ME3: variants seen among roughly 807,000 people sequenced by gnomAD.
The protein encoded by ME3 is NADP-dependent malic enzyme, mitochondrial.
Under a neutral mutation model 68.9 loss-of-function variants are expected in ME3, and 48 were observed. The ratio of observed to expected loss-of-function variants is 0.70; its 90% CI spans 0.55 to 0.89. The LOEUF (loss-of-function observed/expected upper bound fraction) is 0.89, where lower values mean the gene tolerates loss of function less well. Among genes scored for constraint, ME3 ranks in the 40% least tolerant of loss-of-function variants. The pLI is 0.00. For synonymous variants in ME3, 320 were observed against 318.8 expected (o/e 1.00, Z -0.04); for missense variants, 675 against 797.4 (o/e 0.85, Z 1.85).
chr11:86,510,780 C>CT (rs1478225771), intron 4 of ME3, among the ~76,000 whole-genome samples: 3 of 152,210 alleles, frequency 2.0e-5, no homozygotes, highest in Non-Finnish European at 4.4e-5. Context: ...TGCACTAGAC[C>CT]TTTTATTTAA....
In ME3 at chr11:86,595,316, G is replaced by T. The variant is rs1192775453; in HGVS notation, c.184-35493C>A. Among the ~76,000 whole-genome samples, 7 of 140,364 alleles carry T rather than the reference G, an allele frequency of 5.0e-5. 1 individual carries two copies. The South Asian group carries it at 7.2e-4, about 14-fold the overall frequency. 92.1% of individuals were successfully genotyped at this position (140,364 alleles called of 152,430 possible). A position where few individuals can be genotyped will look rare whatever the true frequency, so the allele number is the denominator to read the frequency against. Reference sequence around the variant, plus strand: ...ACATATATATATATATAGAGAGAGAGAGAGAGAGAGAGAGAGCTTATTATG... The same window carrying T: ...ACATATATATATATATAGAGAGAGATAGAGAGAGAGAGAGAGCTTATTATG... On this transcript the variant is annotated intron_variant, in intron 2 of 14. Coordinates refer to ENST00000543262, the Ensembl canonical transcript of ME3.
intron 4 of ME3, 51 bp from the exon 5 acceptor site, chr11:86,508,918 G>T: frequency 6.8e-7 from 1 of 1,464,214 alleles, no homozygotes; most frequent in Non-Finnish European, 9.6e-7. Context: ...GTCAGATTAG[G>T]AACTGAGCAA....
At chr11:86,462,455 G>T in intron 8 of ME3, 1 of 606,546 alleles carries the variant, frequency 1.6e-6, no homozygotes, top group Non-Finnish European at 2.1e-6. Flanking sequence ...TGACTGTGTG[G>T]GGCATTGGCA....
chr11:86,519,275 T>G (rs1370548286), intron 4 of ME3, among the ~76,000 whole-genome samples: 4 of 152,200 alleles, frequency 2.6e-5, no homozygotes, highest in Admixed American at 2.6e-4. Flanking sequence ...ATCACTATCT[T>G]CAGTTTCCAT....
At chr11:86,619,460 C>T (rs1294521939) in intron 2 of ME3, among the ~76,000 whole-genome samples, 2 of 152,334 alleles carry the variant, frequency 1.3e-5, no homozygotes, top group East Asian at 1.9e-4. Context: ...ACCCAAATCT[C>T]ATCTTGAATT....
intron 2 of ME3, among the ~76,000 whole-genome samples, chr11:86,656,292 A>G (rs1159953563): frequency 1.3e-5 from 2 of 152,018 alleles, no homozygotes; most frequent in Non-Finnish European, 1.5e-5. Flanking sequence ...ATAAAGACAC[A>G]TGCACACATA....
At chr11:86,505,196 A>T (rs371948917) in intron 5 of ME3, among the ~76,000 whole-genome samples, 2 of 151,838 alleles carry the variant, frequency 1.3e-5, no homozygotes, top group South Asian at 4.2e-4. Flanking sequence ...TGAAAAATAC[A>T]CATCAGAAAA....
chr11:86,610,703 G>A (rs1320655510), intron 2 of ME3, among the ~76,000 whole-genome samples: 1 of 138,260 alleles, frequency 7.2e-6, no homozygotes, highest in Non-Finnish European at 1.5e-5. Context: ...AAGGCAGATT[G>A]CTGCAATAGG....
At chr11:86,491,517 A>T (rs1339391327) in intron 6 of ME3, among the ~76,000 whole-genome samples, 2 of 152,206 alleles carry the variant, frequency 1.3e-5, no homozygotes, top group African/African-American at 4.8e-5. Context: ...CTCCTTTAGC[A>T]GGAGTGGAAA....
intron 2 of ME3, among the ~76,000 whole-genome samples, chr11:86,592,105 C>T (rs1959097462): frequency 6.6e-6 from 1 of 152,212 alleles, no homozygotes; most frequent in African/African-American, 2.4e-5. Context: ...GAACTGGGAC[C>T]ACATTCTTTG....
chr11:86,450,121 C>A, intron 9 of ME3, 119 bp from the exon 10 acceptor site: 1 of 960,170 alleles, frequency 1.0e-6, no homozygotes, highest in Non-Finnish European at 1.6e-6. Flanking sequence ...TCCCAGGAGG[C>A]CCAATTAAGT....
chr11:86,442,552 C>T (rs1377940280), intron 14 of ME3, among the ~76,000 whole-genome samples: 1 of 152,066 alleles, frequency 6.6e-6, no homozygotes. Context: ...AAAAAATTCC[C>T]ATATTCTGGT....
At chr11:86,586,662 C>T (rs930095348) in intron 2 of ME3, among the ~76,000 whole-genome samples, 1 of 152,112 alleles carries the variant, frequency 6.6e-6, no homozygotes, top group African/African-American at 2.4e-5. Context: ...CTCTAAATGG[C>T]CCAACTCTTC....
At chr11:86,470,903 G>A (rs1399930202) in intron 7 of ME3, among the ~76,000 whole-genome samples, 1 of 152,110 alleles carries the variant, frequency 6.6e-6, no homozygotes, top group African/African-American at 2.4e-5. Context: ...AAAATCCTAA[G>A]AGGGCTTCCA....
chr11:86,615,423 G>T (rs1326570635), intron 2 of ME3, among the ~76,000 whole-genome samples: 1 of 152,130 alleles, frequency 6.6e-6, no homozygotes, highest in Non-Finnish European at 1.5e-5. Context: ...TATGGATGAA[G>T]AAATGGAGAA....
At chr11:86,485,554 C>T (rs1442173275) in intron 7 of ME3, among the ~76,000 whole-genome samples, 1 of 151,994 alleles carries the variant, frequency 6.6e-6, no homozygotes, top group African/African-American at 2.4e-5. Context: ...TTCTGATCAC[C>T]ACCTCCTTTC....
In ME3 at chr11:86,666,524, C is replaced by A. The variant is rs61904318; in HGVS notation, c.183+5238G>T. Among the ~76,000 whole-genome samples, 1,086 of 152,332 alleles carry A rather than the reference C, an allele frequency of 7.1e-3. 8 individuals are homozygous for A. Among genetic ancestry groups the A allele is most frequent in the Non-Finnish European group, 0.012 (820 of 68,030 alleles). On this transcript the variant is annotated intron_variant, in intron 2 of 14. Transcript: ENST00000543262. The stretch of plus-strand genomic sequence containing the variant: ...AACATTCTCTGAGCTGTTCTAAAAA[C>A]AAAGCCCCAATACCAATACTTAGTA...
At chr11:86,647,598 T>C (rs764150534) in intron 2 of ME3, among the ~76,000 whole-genome samples, 1 of 144,790 alleles carries the variant, frequency 6.9e-6, no homozygotes, top group Non-Finnish European at 1.5e-5. Flanking sequence ...AAAGCAGGGG[T>C]TGCAATACTA....
intron 2 of ME3, among the ~76,000 whole-genome samples, chr11:86,576,965 G>T (rs7935611): frequency 0.11 from 16,903 of 152,090 alleles, 1,626 homozygotes; most frequent in African/African-American, 0.26. Context: ...AGCTCATTAT[G>T]TTCCAAACCC....
Sources: gnomAD v4.1 joint callset for allele counts (sites outside exome capture counted in the v4.1 genomes callset) on GRCh38, gnomAD v4.1.1 for gene constraint, MANE v1.5 for transcripts, NCBI Gene and HGNC (gene_info 2026-07-23, HGNC 2026-07-21) for gene names.